The following CSMD1 variants were observed in gnomAD, a reference collection of about 807,000 sequenced individuals.
CSMD1 encodes CUB and sushi domain-containing protein 1.
CSMD1 carries 213 observed loss-of-function variants against 417.5 expected under a neutral mutation model. That is an observed-to-expected ratio of 0.51 (90% CI 0.46 to 0.57). CSMD1 has a LOEUF of 0.57. CSMD1 is among the 20% of genes least tolerant of loss of function. The pLI is 0.00. For synonymous variants in CSMD1, 2,862 were observed against 1,736.8 expected, an observed-to-expected ratio of 1.65 and a Z score of -16.11; for missense variants, 6,923 against 4,529.7, an observed-to-expected ratio of 1.53 and a Z score of -15.17.
chr8:3,877,494 G>C (rs1190125474), intron 5 of CSMD1, among the ~76,000 whole-genome samples: 1 of 152,104 alleles, frequency 6.6e-6, no homozygotes, highest in Non-Finnish European at 1.5e-5. Flanking sequence ...TAAGACGAGG[G>C]AGGAAATTTA....
At chr8:4,953,256 C>T (rs945681428) in intron 1 of CSMD1, among the ~76,000 whole-genome samples, 1 of 152,064 alleles carries the variant, frequency 6.6e-6, no homozygotes, top group Non-Finnish European at 1.5e-5. Context: ...ATCTTTTGAA[C>T]ATATATTTCT....
intron 1 of CSMD1, among the ~76,000 whole-genome samples, chr8:4,800,389 G>A (rs902770300): frequency 6.9e-6 from 1 of 144,634 alleles, no homozygotes; most frequent in South Asian, 2.2e-4. Flanking sequence ...TGAGATCAGA[G>A]ATCACGCCAC....
intron 5 of CSMD1, among the ~76,000 whole-genome samples, chr8:3,828,229 T>G (rs180756556): frequency 1.3e-5 from 2 of 152,150 alleles, no homozygotes; most frequent in Admixed American, 6.5e-5. Flanking sequence ...ACACTCTTAT[T>G]ATCATGAAAA....
rs667859 is a variant in CSMD1, at chr8:2,963,223, G to A, written c.9453C>T (p.Leu3151=). The change falls in exon 60 of 70, where the codon CTC becomes CTT. Residue 3151 remains leucine (L), a splice_region_variant and synonymous_variant. Coordinates refer to ENST00000635120, the MANE Select transcript of CSMD1 (RefSeq NM_033225.6). ...GVWKGEIPQC[L]PVFCGDPGIP... ...AACAAATTCTGCTGTAGAACTTACG[G>A]AGACACTGGGGGATCTCTCCTTTCC... 7 of 1,613,590 alleles carry A rather than the reference G, an allele frequency of 4.3e-6. No homozygotes were observed. The South Asian group carries it at 6.6e-5, about 15-fold the overall frequency.
chr8:3,583,806 G>C (rs1025536960), intron 9 of CSMD1, among the ~76,000 whole-genome samples: 2 of 151,960 alleles, frequency 1.3e-5, no homozygotes, highest in African/African-American at 2.4e-5. Flanking sequence ...GTGACTGTAA[G>C]GTCAGAACAC....
Position 3,114,173 on chromosome 8 carries a change from G to A in CSMD1, c.6431-3838C>T, listed in dbSNP as rs961235794. Among the ~76,000 whole-genome samples the A allele has an allele frequency of 3.9e-5, 6 of 152,120 alleles. No homozygotes were observed. In the East Asian group the frequency reaches 1.2e-3, roughly 29 times the overall value. ...GTAGGAGGATTGCTTGAGCCTGGCA[G>A]GTCAAGGCTACAGTGAGCAGTGATT... is the stretch of plus-strand genomic sequence containing the variant. On this transcript the variant is annotated intron_variant, in intron 42 of 69. Coordinates refer to ENST00000635120, the MANE Select transcript of CSMD1 (RefSeq NM_033225.6).
At chr8:3,670,976 T>TATATATGTATGGG (rs1219014850) in intron 7 of CSMD1, among the ~76,000 whole-genome samples, 4 of 123,922 alleles carry the variant, frequency 3.2e-5, no homozygotes, top group African/African-American at 1.2e-4. Flanking sequence ...GTATATGGGA[T>TATATATGTATGGG]ATATATGTAT....
intron 5 of CSMD1, among the ~76,000 whole-genome samples, chr8:3,764,739 C>CTTTTTTT (rs66603480): frequency 2.3e-5 from 3 of 129,788 alleles, no homozygotes; most frequent in African/African-American, 8.6e-5. Context: ...TTTTCTCTTT[C>CTTTTTTT]TTTTTTTTTT....
intron 1 of CSMD1, among the ~76,000 whole-genome samples, chr8:4,938,593 C>G (rs1295831098): frequency 6.6e-6 from 1 of 152,190 alleles, no homozygotes; most frequent in African/African-American, 2.4e-5. Flanking sequence ...CGGGAAAACG[C>G]ATACTTGCAT....
chr8:4,457,140 C>T (rs559122488), intron 2 of CSMD1, among the ~76,000 whole-genome samples: 1 of 152,086 alleles, frequency 6.6e-6, no homozygotes, highest in South Asian at 2.1e-4. Flanking sequence ...TATTCCTATA[C>T]CTTTTGATAC....
chr8:3,147,359 T>C (rs893244514), intron 40 of CSMD1, among the ~76,000 whole-genome samples: 1 of 152,252 alleles, frequency 6.6e-6, no homozygotes, highest in African/African-American at 2.4e-5. Context: ...CTTAAATAAG[T>C]AATATTTGTA....
intron 1 of CSMD1, among the ~76,000 whole-genome samples, chr8:4,691,267 A>C (rs1217037387): frequency 6.6e-6 from 1 of 152,180 alleles, no homozygotes; most frequent in Non-Finnish European, 1.5e-5. Flanking sequence ...AGCAGAATGA[A>C]TAGGTGGAGA....
At chr8:3,426,488 C>T (rs769223079) in intron 12 of CSMD1, among the ~76,000 whole-genome samples, 2 of 152,118 alleles carry the variant, frequency 1.3e-5, no homozygotes. Context: ...GACTGTCCAC[C>T]TGCTCTTTCC....
chr8:4,496,605 G>A (rs1801990913), intron 2 of CSMD1, among the ~76,000 whole-genome samples: 1 of 151,998 alleles, frequency 6.6e-6, no homozygotes, highest in Non-Finnish European at 1.5e-5. Context: ...TCTTGTTATT[G>A]TTATTCCTGG....
intron 7 of CSMD1, among the ~76,000 whole-genome samples, chr8:3,634,027 C>T (rs1796913745): frequency 6.7e-6 from 1 of 148,256 alleles, no homozygotes. Context: ...TCTGGGATTA[C>T]TGTCAGTGAA....
intron 3 of CSMD1, among the ~76,000 whole-genome samples, chr8:4,379,153 G>C (rs1160196129): frequency 1.3e-5 from 2 of 152,158 alleles, no homozygotes; most frequent in African/African-American, 2.4e-5. Flanking sequence ...CCTGTAATTT[G>C]AGACACTGGA....
intron 5 of CSMD1, among the ~76,000 whole-genome samples, chr8:3,781,737 C>T (rs565762800): frequency 3.3e-5 from 5 of 152,122 alleles, no homozygotes; most frequent in Non-Finnish European, 7.4e-5. Flanking sequence ...GCCAATATTG[C>T]CCCTGACAAT....
At chr8:4,579,560 C>T (rs1021125417) in intron 2 of CSMD1, among the ~76,000 whole-genome samples, 1 of 151,992 alleles carries the variant, frequency 6.6e-6, no homozygotes, top group Non-Finnish European at 1.5e-5. Flanking sequence ...GATGGGGTCT[C>T]AGCATGTTAG....
chr8:4,448,041 G>C (rs1035759502), intron 2 of CSMD1, among the ~76,000 whole-genome samples: 5 of 152,128 alleles, frequency 3.3e-5, no homozygotes, highest in African/African-American at 1.2e-4. Context: ...TCCGCATGAG[G>C]TTTCCTGGAA....
Sources: gnomAD v4.1 joint callset for allele counts (sites outside exome capture counted in the v4.1 genomes callset) on GRCh38, gnomAD v4.1.1 for gene constraint, MANE v1.5 for transcripts, NCBI Gene and HGNC (gene_info 2026-07-23, HGNC 2026-07-21) for gene names.